The following ENTREP3 variants were observed in gnomAD, a reference collection of about 807,000 sequenced individuals.
ENTREP3 encodes the protein protein ENTREP3.
At chr1:155,247,294 A>G in the ENTREP3 span, 1 of 428,242 alleles carries the variant, frequency 2.3e-6, no homozygotes. Flanking sequence ...ACAGTCTTTA[A>G]TGGAGCAGGC....
chr1:155,250,561 C>T, the ENTREP3 span: 1 of 1,589,448 alleles, frequency 6.3e-7, no homozygotes, highest in South Asian at 1.1e-5. The surrounding 1 kb of genome is among the most constrained non-coding windows in gnomAD (Gnocchi z 5.4). Context: ...GGGGGTGGAG[C>T]TTCAGGGGCA....
the ENTREP3 span, chr1:155,251,233 T>G: frequency 1.6e-6 from 2 of 1,283,094 alleles, no homozygotes; most frequent in Non-Finnish European, 2.1e-6. Flanking sequence ...GACAGAGCTC[T>G]GGAGACTTAG....
At chr1:155,253,822 T>G in the ENTREP3 span, 31 of 1,604,496 alleles carry the variant, frequency 1.9e-5, no homozygotes, top group African/African-American at 4.1e-4. Flanking sequence ...GAGGCAAGAG[T>G]GAGAACCAGG....
At chr1:155,254,770 C>T in the ENTREP3 span, 4 of 1,613,872 alleles carry the variant, frequency 2.5e-6, no homozygotes, top group East Asian at 2.2e-5. The surrounding 1 kb of genome is among the most constrained non-coding windows in gnomAD (Gnocchi z 4.4). Flanking sequence ...CCAGCCCCAG[C>T]GTAAGCAGGG....
the ENTREP3 span, chr1:155,254,856 A>C: frequency 6.3e-7 from 1 of 1,579,406 alleles, no homozygotes; most frequent in Non-Finnish European, 8.6e-7. The surrounding 1 kb of genome is among the most constrained non-coding windows in gnomAD (Gnocchi z 4.4). Context: ...GAGCGGCTGG[A>C]GTCACTAGGC....
the ENTREP3 span, chr1:155,254,194 T>C: frequency 1.2e-6 from 2 of 1,607,704 alleles, no homozygotes; most frequent in South Asian, 1.1e-5. This position sits in a 1 kb window ranked among gnomAD's most constrained non-coding sequence, Gnocchi z 4.4. Flanking sequence ...AAGAAGGAGA[T>C]CTGGGGAAAA....
At chr1:155,247,484 G>T in the ENTREP3 span, 47 of 653,136 alleles carry the variant, frequency 7.2e-5, no homozygotes, top group Non-Finnish European at 3.4e-5. Flanking sequence ...TTGCAAATCA[G>T]AAAGAGCCAC....
At chr1:155,248,329 T>C in the ENTREP3 span, 2,824 of 1,611,624 alleles carry the variant, frequency 1.8e-3, 25 homozygotes, top group Admixed American at 0.022. Context: ...GATAAGAGAA[T>C]GGTATTGTAG....
the ENTREP3 span, chr1:155,248,451 G>A: frequency 6.2e-7 from 1 of 1,613,824 alleles, no homozygotes; most frequent in Non-Finnish European, 8.5e-7. Context: ...CAAGCACTTT[G>A]GTATAAAGGT....
the ENTREP3 span, chr1:155,254,161 C>T: frequency 1.2e-6 from 2 of 1,614,088 alleles, no homozygotes; most frequent in Non-Finnish European, 1.7e-6. The surrounding 1 kb of genome is among the most constrained non-coding windows in gnomAD (Gnocchi z 4.4). Flanking sequence ...CTAAGCATGA[C>T]ACAGAGCACC....
At chr1:155,247,958 G>C in the ENTREP3 span, 7 of 1,605,624 alleles carry the variant, frequency 4.4e-6, no homozygotes, top group Non-Finnish European at 6.0e-6. Flanking sequence ...CGGGGCACCT[G>C]GACAGGGACA....
chr1:155,253,091 T>C, the ENTREP3 span: 1 of 152,654 alleles, frequency 6.6e-6, no homozygotes, highest in Non-Finnish European at 1.5e-5. Context: ...GTATGTTTAG[T>C]AGAGATGGGG....
the ENTREP3 span, chr1:155,250,597 G>C: frequency 1.2e-6 from 2 of 1,607,226 alleles, no homozygotes; most frequent in Admixed American, 1.7e-5. This position sits in a 1 kb window ranked among gnomAD's most constrained non-coding sequence, Gnocchi z 5.4. Context: ...CGGGCAGCCC[G>C]TGGGGGGCGC....
chr1:155,251,053 G>T, the ENTREP3 span: 1 of 1,562,102 alleles, frequency 6.4e-7, no homozygotes, highest in Admixed American at 1.7e-5. Flanking sequence ...AGCTATCCCT[G>T]GCAGCCCCGC....
chr1:155,254,113 G>C, the ENTREP3 span: 12 of 1,614,158 alleles, frequency 7.4e-6, no homozygotes, highest in African/African-American at 1.3e-5. This position sits in a 1 kb window ranked among gnomAD's most constrained non-coding sequence, Gnocchi z 4.4. Flanking sequence ...TCTCGGGCCA[G>C]TTGAGCATTC....
chr1:155,253,576 C>A, the ENTREP3 span: 1 of 1,359,340 alleles, frequency 7.4e-7, no homozygotes, highest in Non-Finnish European at 1.0e-6. Context: ...AGCACACACA[C>A]CCCTGCCCCC....
the ENTREP3 span, chr1:155,251,788 G>A: frequency 3.1e-6 from 5 of 1,600,108 alleles, no homozygotes. Context: ...TAGGGCGGTG[G>A]GGGCACAGGC....
At chr1:155,254,724 T>C in the ENTREP3 span, 2 of 1,613,460 alleles carry the variant, frequency 1.2e-6, no homozygotes. The surrounding 1 kb of genome is among the most constrained non-coding windows in gnomAD (Gnocchi z 4.4). Context: ...GCCACCATGC[T>C]GAAGGTGACC....
chr1:155,247,929 A>T, the ENTREP3 span: 1 of 1,598,160 alleles, frequency 6.3e-7, no homozygotes, highest in South Asian at 1.1e-5. Context: ...TCTCTCGGCC[A>T]GGCCGGCCCC....
Sources: allele counts gnomAD v4.1 joint callset, GRCh38; gene constraint gnomAD v4.1.1; non-coding constraint Gnocchi (gnomAD v3.1); transcripts MANE v1.5; gene names NCBI Gene and HGNC (gene_info 2026-07-23, HGNC 2026-07-21).